Variants in FGF13 observed in about 807,000 individuals in gnomAD.
FGF13 encodes fibroblast growth factor 13.
FGF13 carries 2 observed loss-of-function variants against 19.5 expected under a neutral mutation model. The observed-to-expected ratio is 0.10, with a 90% CI of 0.04 to 0.32. The LOEUF (loss-of-function observed/expected upper bound fraction) is 0.32, where lower values mean the gene tolerates loss of function less well. Among genes scored for constraint, FGF13 ranks in the 10% least tolerant of loss-of-function variants. The pLI is 1.00. For synonymous variants in FGF13, 72 were observed against 76.9 expected, an observed-to-expected ratio of 0.94 and a Z score of 0.33; for missense variants, 113 against 192.7, an observed-to-expected ratio of 0.59 and a Z score of 2.45.
chrX:139,108,468 T>G (rs1028899157), intron 1 of FGF13, among the ~76,000 whole-genome samples: 1 of 111,048 alleles, frequency 9.0e-6, no homozygotes, highest in Non-Finnish European at 1.9e-5. Flanking sequence ...ATTAAGACCA[T>G]GGTCAACATT....
intron 1 of FGF13, among the ~76,000 whole-genome samples, chrX:139,145,563 C>T (rs368186055): frequency 9.1e-6 from 1 of 110,368 alleles, no homozygotes; most frequent in South Asian, 4.0e-4. Context: ...AGCCATAAAA[C>T]TTACACTCCA....
At chrX:138,825,379 A>G (rs1313527785) in intron 3 of FGF13, among the ~76,000 whole-genome samples, 2 of 112,168 alleles carry the variant, frequency 1.8e-5, no homozygotes, top group Non-Finnish European at 3.8e-5. Flanking sequence ...TTACAAAAAT[A>G]ATGTGTATAA....
chrX:138,919,127 C>T (rs186158730), intron 1 of FGF13, among the ~76,000 whole-genome samples: 3 of 111,768 alleles, frequency 2.7e-5, no homozygotes, highest in Non-Finnish European at 3.8e-5. Flanking sequence ...AACATTGCTA[C>T]ATTAAAATTT....
chrX:139,064,579 G>A lies in FGF13; in HGVS notation c.-113+138837C>T, dbSNP rs189406305. On this transcript the variant is annotated intron_variant, in intron 1 of 2. Coordinates refer to the FGF13 transcript ENST00000421460. ...TAAAATACAACACTGTGGGTAACCC[G>A]ACCTTTCTCTCTGGCTGATCTTAAC... Among the ~76,000 whole-genome samples the A allele has an allele frequency of 3.9e-3, 437 of 111,124 alleles. 1 individual carries two copies. The highest frequency in any genetic ancestry group is 0.013 in the African/African-American group (409 of 30,560).
At chrX:139,114,047 G>A (rs1275568231) in intron 1 of FGF13, among the ~76,000 whole-genome samples, 4 of 111,880 alleles carry the variant, frequency 3.6e-5, no homozygotes, top group Non-Finnish European at 7.5e-5. Context: ...GAGCTACTCT[G>A]AGTAAAACAG....
chrX:138,715,110 G>A (rs921040968), upstream of FGF13, among the ~76,000 whole-genome samples: 22 of 111,728 alleles, frequency 2.0e-4, no homozygotes, highest in African/African-American at 5.2e-4. Flanking sequence ...TCTATTCTCC[G>A]TTGTTTCTCC....
At chrX:138,924,984 C>T (rs1410402695) in intron 1 of FGF13, among the ~76,000 whole-genome samples, 1 of 111,221 alleles carries the variant, frequency 9.0e-6, no homozygotes, top group Non-Finnish European at 1.9e-5. Flanking sequence ...CTGAGAGCTA[C>T]AATGAATTCA....
At chrX:138,765,814 C>T (rs111593375) in intron 3 of FGF13, among the ~76,000 whole-genome samples, 6 of 111,559 alleles carry the variant, frequency 5.4e-5, no homozygotes, top group African/African-American at 2.0e-4. Context: ...TCACACTTGT[C>T]GTGTGCAACT....
intron 3 of FGF13, among the ~76,000 whole-genome samples, chrX:138,694,765 C>CT (rs2089877295): frequency 9.2e-6 from 1 of 108,353 alleles, no homozygotes; most frequent in Non-Finnish European, 1.9e-5. Context: ...CGTGAGCCCA[C>CT]GTGCCCGGCC....
chrX:138,635,709 G>T, intron 3 of FGF13, 54 bp from the exon 4 acceptor site: 2 of 969,070 alleles, frequency 2.1e-6, no homozygotes, highest in Non-Finnish European at 2.9e-6. Flanking sequence ...TGAATTTCCT[G>T]TAGAATCATG....
intron 3 of FGF13, among the ~76,000 whole-genome samples, chrX:138,826,691 T>C (rs894994003): frequency 3.6e-5 from 4 of 112,321 alleles, no homozygotes; most frequent in African/African-American, 1.3e-4. Flanking sequence ...GAAAGGTGCA[T>C]ATGAATCAAT....
At chrX:138,754,142 TTTC>T (rs1251602971) in intron 3 of FGF13, among the ~76,000 whole-genome samples, 1 of 111,929 alleles carries the variant, frequency 8.9e-6, no homozygotes, top group African/African-American at 3.2e-5. Flanking sequence ...TCTTCTTGTG[TTTC>T]TTCTTATCAA....
At chrX:138,846,267 T>C (rs1177494248) in intron 3 of FGF13, among the ~76,000 whole-genome samples, 1 of 107,906 alleles carries the variant, frequency 9.3e-6, no homozygotes, top group East Asian at 2.9e-4. Flanking sequence ...CAAAGGGGCA[T>C]GTTTCCCTTG....
At chrX:138,784,603 T>A (rs941173490) in intron 3 of FGF13, among the ~76,000 whole-genome samples, 9 of 111,008 alleles carry the variant, frequency 8.1e-5, no homozygotes, top group African/African-American at 2.6e-4. Context: ...GGGCCCTTAT[T>A]TCTCTATTAG....
At chrX:139,032,027 G>A (rs1002700144) in intron 1 of FGF13, among the ~76,000 whole-genome samples, 5 of 110,913 alleles carry the variant, frequency 4.5e-5, no homozygotes, top group South Asian at 3.9e-4. Flanking sequence ...GATCTTCATG[G>A]GTTCACGTTC....
Position 138,763,247 on chromosome X carries a change from TATATA to T in FGF13, c.218-54324_218-54320del, listed in dbSNP as rs768682693. Among the ~76,000 whole-genome samples, 10 of 110,629 alleles carry T rather than the reference TATATA, an allele frequency of 9.0e-5. No individual in the cohort carries two copies. The South Asian group carries it at 1.9e-3, about 21-fold the overall frequency. On this transcript the variant is annotated intron_variant, in intron 3 of 6. Transcript: ENST00000436198. Reference sequence around the variant, plus strand: ...TTACACTACACACATCTTATGTAAATATATAATATATTATGCAGATCACAAACTAT... The same window carrying T: ...TTACACTACACACATCTTATGTAAATATATATTATGCAGATCACAAACTAT...
upstream of FGF13, among the ~76,000 whole-genome samples, chrX:138,743,155 T>C (rs2090331051): frequency 8.9e-6 from 1 of 111,855 alleles, no homozygotes; most frequent in Non-Finnish European, 1.9e-5. Context: ...TGTCCTTCAG[T>C]AGGTGAATGA....
In FGF13 at chrX:138,623,993, G is replaced by T. The variant is rs1569347366; in HGVS notation, c.*8857C>A. The T allele has an allele frequency of 9.0e-6, 1 of 111,369 alleles. No individual in the cohort carries two copies. The highest frequency in any genetic ancestry group is 1.9e-5 in the Non-Finnish European group (1 of 53,045). 9.2% of individuals were successfully genotyped at this position (111,369 alleles called of 1,213,427 possible). A position where few individuals can be genotyped will look rare whatever the true frequency, so the allele number is the denominator to read the frequency against. On this transcript the variant is annotated 3_prime_UTR_variant, in exon 5 of 5. Transcript: ENST00000315930. Reference sequence around the variant, plus strand: ...TTCATAGTTTGGAAGAATTAATTTTGCAAAAATGTTGATACTAACCAAAGT... The same window carrying T: ...TTCATAGTTTGGAAGAATTAATTTTTCAAAAATGTTGATACTAACCAAAGT...
intron 3 of FGF13, among the ~76,000 whole-genome samples, chrX:138,777,974 A>G (rs891006583): frequency 2.7e-5 from 3 of 111,958 alleles, no homozygotes; most frequent in African/African-American, 9.7e-5. Context: ...GCATTACCTG[A>G]TTGATAAGGA....
Sources: gnomAD v4.1 joint callset for allele counts (sites outside exome capture counted in the v4.1 genomes callset) on GRCh38, gnomAD v4.1.1 for gene constraint, MANE v1.5 for transcripts, NCBI Gene and HGNC (gene_info 2026-07-23, HGNC 2026-07-21) for gene names.